The following EXT2 variants were observed in gnomAD, a reference collection of about 807,000 sequenced individuals.
The protein encoded by EXT2 is exostosin glycosyltransferase 2.
In EXT2, 53 loss-of-function variants were observed where a neutral mutation model predicts 81.6. The observed-to-expected ratio is 0.65, with a 90% CI of 0.52 to 0.82. The LOEUF (loss-of-function observed/expected upper bound fraction) is 0.82, where lower values mean the gene tolerates loss of function less well. EXT2 is among the 40% of genes least tolerant of loss of function. The pLI is 0.00. For missense variants in EXT2, 774 were observed against 910.2 expected (o/e 0.85, Z 1.93); for synonymous variants, 320 against 340.0 (o/e 0.94, Z 0.65).
chr11:44,152,882 G>A (rs1954811390), intron 7 of EXT2, among the ~76,000 whole-genome samples: 1 of 152,124 alleles, frequency 6.6e-6, no homozygotes, highest in Non-Finnish European at 1.5e-5. Flanking sequence ...CTGTTCCGTT[G>A]ATCTGTCTAT....
chr11:44,241,094 C>T (rs1168445749), intron 13 of EXT2, among the ~76,000 whole-genome samples: 1 of 152,084 alleles, frequency 6.6e-6, no homozygotes, highest in Non-Finnish European at 1.5e-5. Flanking sequence ...TCATTTATTC[C>T]TATATTTGGG....
At chr11:44,191,859 A>G (rs905700870) in intron 8 of EXT2, among the ~76,000 whole-genome samples, 1 of 152,196 alleles carries the variant, frequency 6.6e-6, no homozygotes, top group Non-Finnish European at 1.5e-5. Flanking sequence ...AAATAGGATT[A>G]TGCTTGAGGA....
rs1373984963 is a variant in EXT2 at position 44,249,806 on chromosome 11, C to T, written c.*5519C>T. 1.3e-5 allele frequency among the ~76,000 whole-genome samples: 2 copies of T among 152,196 alleles called. No homozygotes were observed. Among genetic ancestry groups the T allele is most frequent in the Non-Finnish European group, 2.9e-5 (2 of 68,038 alleles). ...TAGTCTTTGGCTGGGCATGGTGGCTCATGCCTGTAATCCCAGCATTTTGGG... is the reference window on the plus strand; with the variant it reads ...TAGTCTTTGGCTGGGCATGGTGGCTTATGCCTGTAATCCCAGCATTTTGGG... On this transcript the variant is annotated 3_prime_UTR_variant, in exon 14 of 14. Transcript: ENST00000533608.
At position 44,247,125 on chromosome 11, in the gene EXT2, T is replaced by C. The variant is rs868377016; in HGVS notation, c.*2838T>C. Among the ~76,000 whole-genome samples the C allele has an allele frequency of 6.6e-6, 1 of 152,334 alleles. No individual in the cohort carries two copies. The highest frequency in any genetic ancestry group is 2.4e-5 in the African/African-American group (1 of 41,578). On this transcript the variant is annotated 3_prime_UTR_variant, in exon 14 of 14. Coordinates refer to ENST00000533608, the MANE Select transcript of EXT2 (RefSeq NM_207122.2). ...GTTAAAATGTTTATCTCATGTATTT[T>C]ACCAACCCTCACACATTTAGGTATA...
At chr11:44,233,405 T>C (rs1228109284) in intron 11 of EXT2, among the ~76,000 whole-genome samples, 1 of 152,226 alleles carries the variant, frequency 6.6e-6, no homozygotes, top group Non-Finnish European at 1.5e-5. Flanking sequence ...CTTTTGTGTA[T>C]TTATTAGCTT....
chr11:44,171,252 A>G (rs1415379349), intron 7 of EXT2, among the ~76,000 whole-genome samples: 2 of 152,244 alleles, frequency 1.3e-5, no homozygotes, highest in Non-Finnish European at 2.9e-5. Context: ...GAGTATGTAC[A>G]TATGTATAAA....
intron 7 of EXT2, among the ~76,000 whole-genome samples, chr11:44,132,940 G>T (rs1954515092): frequency 9.2e-5 from 14 of 152,098 alleles, no homozygotes; most frequent in Admixed American, 9.2e-4. Flanking sequence ...ATCTCAATTA[G>T]ATATGAGATT....
chr11:44,109,956 T>C (rs1003440985), intron 3 of EXT2, among the ~76,000 whole-genome samples: 3 of 152,178 alleles, frequency 2.0e-5, no homozygotes, highest in Non-Finnish European at 4.4e-5. Flanking sequence ...TATGAGGTGC[T>C]ACTTAAGGGA....
intron 10 of EXT2, among the ~76,000 whole-genome samples, chr11:44,218,072 C>T (rs1193033664): frequency 6.6e-6 from 1 of 152,136 alleles, no homozygotes; most frequent in Non-Finnish European, 1.5e-5. Context: ...ACAACCTGGG[C>T]ATCTTGTAGG....
Position 44,231,533 on chromosome 11 carries a change from A to G in EXT2, c.1663-820A>G, listed in dbSNP as rs536112460. Among the ~76,000 whole-genome samples the G allele has an allele frequency of 1.5e-4, 23 of 152,304 alleles. No individual in the cohort carries two copies. In the South Asian group the frequency reaches 4.6e-3, roughly 30 times the overall value. On this transcript the variant is annotated intron_variant, in intron 10 of 13. Transcript: ENST00000533608. ...TTTAAAGTGATTGAAACTAGATGAG[A>G]CTACTTAAAGAAAGAGTTTGAAGAA...
At chr11:44,238,776 G>T (rs1956000395) in intron 13 of EXT2, among the ~76,000 whole-genome samples, 1 of 152,196 alleles carries the variant, frequency 6.6e-6, no homozygotes, top group Non-Finnish European at 1.5e-5. Flanking sequence ...GAGACTCTCA[G>T]CAGTGGAAAC....
At chr11:44,142,791 T>G (rs1954663414) in intron 7 of EXT2, among the ~76,000 whole-genome samples, 1 of 152,212 alleles carries the variant, frequency 6.6e-6, no homozygotes. Context: ...AACATGCTCA[T>G]GACTGTGAAG....
At chr11:44,140,989 C>T (rs1431757773) in intron 7 of EXT2, among the ~76,000 whole-genome samples, 2 of 152,130 alleles carry the variant, frequency 1.3e-5, no homozygotes, top group African/African-American at 4.8e-5. Context: ...TGTCATTGAA[C>T]AAATAATAAA....
intron 8 of EXT2, among the ~76,000 whole-genome samples, chr11:44,176,588 G>A (rs1220541560): frequency 6.6e-6 from 1 of 152,172 alleles, no homozygotes; most frequent in Non-Finnish European, 1.5e-5. Context: ...TCCATCTTCA[G>A]TGAAAGCAAC....
chr11:44,137,416 T>C (rs958387683), intron 7 of EXT2, among the ~76,000 whole-genome samples: 1 of 152,086 alleles, frequency 6.6e-6, no homozygotes, highest in African/African-American at 2.4e-5. Context: ...CAAATACAAT[T>C]GAGTAGTATG....
chr11:44,145,894 G>C (rs1172174726), intron 7 of EXT2, among the ~76,000 whole-genome samples: 3 of 152,190 alleles, frequency 2.0e-5, no homozygotes, highest in African/African-American at 7.2e-5. Flanking sequence ...TTGTTCTCAA[G>C]TGGCCAACAT....
At chr11:44,206,333 A>G (rs1955582408) in intron 9 of EXT2, among the ~76,000 whole-genome samples, 1 of 152,198 alleles carries the variant, frequency 6.6e-6, no homozygotes, top group Non-Finnish European at 1.5e-5. Flanking sequence ...ATCTGAAAGT[A>G]TTTTGCAGAG....
At position 44,097,190 on chromosome 11, in the gene EXT2, G is replaced by A. The variant is rs557163162; in HGVS notation, c.-31+1338G>A. Among the ~76,000 whole-genome samples the A allele has an allele frequency of 3.3e-5, 5 of 152,298 alleles. No individual in the cohort carries two copies. In the South Asian group the frequency reaches 1.0e-3, roughly 32 times the overall value. ...ATTAAATAAGTTAACACTATAAAGT[G>A]CTTAAAACAGACCCTGGCATGTAGT... On this transcript the variant is annotated intron_variant, in intron 1 of 13. Transcript: ENST00000533608.
At chr11:44,149,906 T>C (rs4551754) in intron 7 of EXT2, among the ~76,000 whole-genome samples, 41,792 of 152,078 alleles carry the variant, frequency 0.27, 6,618 homozygotes, top group Admixed American at 0.45. Flanking sequence ...TAGTTTTGGA[T>C]GTAATAATAG....
Sources: allele counts gnomAD v4.1 joint callset (sites outside exome capture counted in the v4.1 genomes callset), GRCh38; gene constraint gnomAD v4.1.1; transcripts MANE v1.5; gene names NCBI Gene and HGNC (gene_info 2026-07-23, HGNC 2026-07-21).